The following VPS13B variants were observed in gnomAD, a reference collection of about 807,000 sequenced individuals.
VPS13B encodes the protein vacuolar protein sorting 13 homolog B.
VPS13B carries 285 observed loss-of-function variants against 426.4 expected under a neutral mutation model. That is an observed-to-expected ratio of 0.67 (90% CI 0.61 to 0.74). The LOEUF (loss-of-function observed/expected upper bound fraction) is 0.74, where lower values mean the gene tolerates loss of function less well. Among genes scored for constraint, VPS13B ranks in the 30% least tolerant of loss-of-function variants. The pLI is 0.00. For synonymous variants in VPS13B, 1,676 were observed against 1,676.4 expected (o/e 1.00, Z 0.01); for missense variants, 4,537 against 4,782.6 (o/e 0.95, Z 1.51).
intron 21 of VPS13B, 61 bp downstream of exon 21, chr8:99,391,765 G>A: frequency 1.3e-6 from 2 of 1,584,580 alleles, no homozygotes; most frequent in South Asian, 2.3e-5. Flanking sequence ...TAGCAAGTTA[G>A]CATCCACAAT....
At chr8:99,184,820 G>A (rs1002383818) in intron 16 of VPS13B, among the ~76,000 whole-genome samples, 3 of 151,932 alleles carry the variant, frequency 2.0e-5, no homozygotes, top group Admixed American at 6.5e-5. Context: ...GCGAAACCCC[G>A]TCTCTACCAA....
At chr8:99,103,212 TAAATGTTATC>T in intron 5 of VPS13B, 92 bp downstream of exon 5, 4 of 1,442,246 alleles carry the variant, frequency 2.8e-6, no homozygotes, top group Non-Finnish European at 3.9e-6. Flanking sequence ...GAGTTGCTGG[TAAATGTTATC>T]AAATCTTCAT....
intron 16 of VPS13B, among the ~76,000 whole-genome samples, chr8:99,172,829 G>A (rs183840659): frequency 1.6e-4 from 24 of 152,048 alleles, no homozygotes; most frequent in Non-Finnish European, 2.8e-4. Context: ...TCTTTATGAC[G>A]TACTTTTGGT....
At position 99,286,011 on chromosome 8, in the gene VPS13B, TC is replaced by T. The variant is rs576700771; in HGVS notation, c.2824+10759del. ...TTCACCTCCCTCTGACTTTTGCCCT[TC>T]CTCCTCCCCATCCCTTTCCTCTCCC... On this transcript the variant is annotated intron_variant, in intron 19 of 61. Coordinates refer to ENST00000357162, the MANE Select transcript of VPS13B (RefSeq NM_152564.5). Among the ~76,000 whole-genome samples the T allele has an allele frequency of 2.7e-3, 414 of 152,264 alleles. 6 individuals carry two copies. Among genetic ancestry groups the T allele is most frequent in the South Asian group, 0.019 (92 of 4,824 alleles).
At chr8:99,855,166 G>A (rs575650771) in intron 56 of VPS13B, among the ~76,000 whole-genome samples, 2 of 152,096 alleles carry the variant, frequency 1.3e-5, no homozygotes, top group South Asian at 2.1e-4. Context: ...ACTTGAGCAC[G>A]GGAGTTCAAG....
At chr8:99,616,201 A>C (rs1001387737) in intron 33 of VPS13B, among the ~76,000 whole-genome samples, 1 of 152,190 alleles carries the variant, frequency 6.6e-6, no homozygotes, top group African/African-American at 2.4e-5. Flanking sequence ...AGAAGAGCCT[A>C]TATCTTGAGA....
intron 21 of VPS13B, among the ~76,000 whole-genome samples, chr8:99,414,888 GT>G (rs1340025503): frequency 1.3e-5 from 2 of 151,866 alleles, no homozygotes; most frequent in Non-Finnish European, 2.9e-5. Context: ...TGTGTCTTGG[GT>G]TTGCTCTTCT....
At chr8:99,468,479 T>G (rs1478609290) in intron 24 of VPS13B, among the ~76,000 whole-genome samples, 1 of 150,962 alleles carries the variant, frequency 6.6e-6, no homozygotes, top group African/African-American at 2.5e-5. Flanking sequence ...AATTTAAATA[T>G]TATTTTTTAA....
chr8:99,425,948 T>A (rs34237216), intron 21 of VPS13B, among the ~76,000 whole-genome samples: 44,907 of 151,624 alleles, frequency 0.3, 7,638 homozygotes, highest in East Asian at 0.43. Context: ...TTTAGGGTAC[T>A]TGTGCACATT....
At chr8:99,688,133 C>CTTTTTTTTTTTTT (rs1307921649) in intron 35 of VPS13B, among the ~76,000 whole-genome samples, 1 of 113,092 alleles carries the variant, frequency 8.8e-6, no homozygotes, top group Admixed American at 9.0e-5. Context: ...TCCTTGCTTG[C>CTTTTTTTTTTTTT]TTTTTTTTTT....
intron 17 of VPS13B, among the ~76,000 whole-genome samples, chr8:99,265,617 T>C (rs1218721317): frequency 6.6e-6 from 1 of 152,154 alleles, no homozygotes; most frequent in Non-Finnish European, 1.5e-5. Context: ...GTTACTGGGC[T>C]GCGTGGATTA....
chr8:99,720,947 C>T lies in VPS13B; in HGVS notation c.6950C>T (p.Pro2317Leu). 1.2e-6 allele frequency: 2 copies of T among 1,613,880 alleles called. No homozygotes were observed. Among genetic ancestry groups the T allele is most frequent in the Non-Finnish European group, 1.7e-6 (2 of 1,179,904 alleles). The change falls in exon 39 of 62, where the codon CCA (proline) becomes CTA (leucine). Residue 2317 changes from proline to leucine, a missense_variant. Pro to Leu is a moderately conservative substitution (Grantham distance 98). Transcript: ENST00000357162. ...DCPGMMLWRY[P>L]EPRVLTLVRI... The stretch of plus-strand genomic sequence containing the variant: ...CCAGGGATGATGTTATGGAGATATC[C>T]AGAACCTAGAGTACTCACCCTTGTA...
intron 3 of VPS13B, among the ~76,000 whole-genome samples, chr8:99,062,853 C>T (rs1288307087): frequency 6.6e-6 from 1 of 152,108 alleles, no homozygotes; most frequent in Non-Finnish European, 1.5e-5. Context: ...TTTTCTTAAC[C>T]ATTACTGAAA....
intron 23 of VPS13B, among the ~76,000 whole-genome samples, chr8:99,453,558 G>T (rs1457773100): frequency 6.6e-6 from 1 of 151,988 alleles, no homozygotes; most frequent in Non-Finnish European, 1.5e-5. Flanking sequence ...ATTTAGTTAA[G>T]GGTTCTATAG....
At chr8:99,499,293 T>C (rs757479060) in intron 25 of VPS13B, among the ~76,000 whole-genome samples, 14 of 152,064 alleles carry the variant, frequency 9.2e-5, no homozygotes, top group Non-Finnish European at 2.1e-4. Context: ...AAATGAAAAC[T>C]GAAACTGCAT....
chr8:99,752,134 G>A (rs114227192), intron 39 of VPS13B, among the ~76,000 whole-genome samples: 165 of 152,144 alleles, frequency 1.1e-3, no homozygotes, highest in African/African-American at 3.8e-3. Flanking sequence ...TTGAGCCTAG[G>A]AGTTCAAGGC....
intron 19 of VPS13B, among the ~76,000 whole-genome samples, chr8:99,333,922 A>G (rs971449312): frequency 6.6e-6 from 1 of 151,996 alleles, no homozygotes; most frequent in African/African-American, 2.4e-5. Flanking sequence ...ATTGCTAAAT[A>G]GTATTCCATT....
intron 25 of VPS13B, among the ~76,000 whole-genome samples, chr8:99,492,667 A>G (rs1342584375): frequency 6.6e-6 from 1 of 152,178 alleles, no homozygotes; most frequent in Non-Finnish European, 1.5e-5. Flanking sequence ...AGTGGGACCC[A>G]TGGAGCCAGG....
At position 99,041,624 on chromosome 8, in the gene VPS13B, C is replaced by T. The variant is rs185473208; in HGVS notation, c.291+3058C>T. Among the ~76,000 whole-genome samples the T allele has an allele frequency of 4.1e-4, 63 of 152,188 alleles. No homozygotes were observed. The East Asian group carries it at 0.01, about 25-fold the overall frequency. ...ATCCCAGCACTTTGGGAGGCCGAGG[C>T]GGGTGGATCACGAGGTCAGGAGATA... On this transcript the variant is annotated intron_variant, in intron 3 of 61. Coordinates refer to ENST00000357162, the MANE Select transcript of VPS13B (RefSeq NM_152564.5).
Sources: allele counts gnomAD v4.1 joint callset (sites outside exome capture counted in the v4.1 genomes callset), GRCh38; gene constraint gnomAD v4.1.1; transcripts MANE v1.5; gene names NCBI Gene and HGNC (gene_info 2026-07-23, HGNC 2026-07-21).